VOPP1: variants seen among roughly 807,000 people sequenced by gnomAD.
The protein encoded by VOPP1 is WW domain binding protein VOPP1.
In VOPP1, 8 loss-of-function variants were observed where a neutral mutation model predicts 23.5. The ratio of observed to expected loss-of-function variants is 0.34; its 90% CI spans 0.20 to 0.61. The LOEUF (loss-of-function observed/expected upper bound fraction) is 0.61, where lower values mean the gene tolerates loss of function less well. Among genes scored for constraint, VOPP1 ranks in the 20% least tolerant of loss-of-function variants. The pLI, the probability that VOPP1 is intolerant of heterozygous loss-of-function variation, is 0.78. For missense variants in VOPP1, 174 were observed against 238.1 expected, an observed-to-expected ratio of 0.73 and a Z score of 1.77; for synonymous variants, 83 against 97.3, an observed-to-expected ratio of 0.85 and a Z score of 0.86.
intron 1 of VOPP1, among the ~76,000 whole-genome samples, chr7:55,545,225 G>C (rs895394603): frequency 6.6e-6 from 1 of 152,192 alleles, no homozygotes; most frequent in African/African-American, 2.4e-5. Context: ...GTTAAATACA[G>C]GAAAAGTCAC....
At chr7:55,503,091 C>T (rs540283310) in intron 2 of VOPP1, among the ~76,000 whole-genome samples, 2 of 152,312 alleles carry the variant, frequency 1.3e-5, no homozygotes, top group African/African-American at 2.4e-5. Flanking sequence ...CCCCTGGATA[C>T]AAATGTAGAT....
intron 4 of VOPP1, among the ~76,000 whole-genome samples, chr7:55,473,371 G>A (rs1379491415): frequency 6.6e-6 from 1 of 152,196 alleles, no homozygotes; most frequent in African/African-American, 2.4e-5. Context: ...CCCAGGCTTC[G>A]CGACTCAGCC....
intron 2 of VOPP1, among the ~76,000 whole-genome samples, chr7:55,512,693 A>G (rs1795156539): frequency 6.6e-6 from 1 of 152,198 alleles, no homozygotes; most frequent in South Asian, 2.1e-4. Context: ...TGGAGCACTC[A>G]GCTAGGGAAG....
At chr7:55,451,374 GT>G (rs1235822422) in intron 4 of VOPP1, among the ~76,000 whole-genome samples, 1 of 152,218 alleles carries the variant, frequency 6.6e-6, no homozygotes, top group Non-Finnish European at 1.5e-5. Flanking sequence ...TTGCAATAAA[GT>G]TTGAGTCATA....
chr7:55,463,431 G>A (rs1316654606), intron 4 of VOPP1, among the ~76,000 whole-genome samples: 2 of 152,190 alleles, frequency 1.3e-5, no homozygotes, highest in African/African-American at 2.4e-5. Flanking sequence ...GCTTTCATAG[G>A]AAAAGACTTT....
At chr7:55,508,537 T>A (rs1242246964) in intron 2 of VOPP1, among the ~76,000 whole-genome samples, 1 of 152,184 alleles carries the variant, frequency 6.6e-6, no homozygotes, top group Non-Finnish European at 1.5e-5. Context: ...AGTGTTGGGA[T>A]TACAGGTGTG....
intron 1 of VOPP1, chr7:55,539,645 T>A (rs1797020261): frequency 1.1e-5 from 1 of 87,202 alleles, no homozygotes. Context: ...AACTGGATCA[T>A]CAGCCCCGCT....
intron 1 of VOPP1, among the ~76,000 whole-genome samples, chr7:55,527,286 A>G (rs149563482): frequency 6.6e-6 from 1 of 152,312 alleles, no homozygotes; most frequent in East Asian, 1.9e-4. Context: ...TATCTCCAAG[A>G]AACCTTGATT....
intron 4 of VOPP1, among the ~76,000 whole-genome samples, chr7:55,437,457 C>T (rs1212884613): frequency 6.6e-6 from 1 of 152,252 alleles, no homozygotes; most frequent in African/African-American, 2.4e-5. Context: ...CTGTCCTAAA[C>T]CTTCCATTGC....
chr7:55,442,755 G>A (rs1790998200), intron 4 of VOPP1, among the ~76,000 whole-genome samples: 1 of 152,244 alleles, frequency 6.6e-6, no homozygotes, highest in Middle Eastern at 3.4e-3. Flanking sequence ...ATACCATGAG[G>A]ATGGATGCAA....
chr7:55,500,842 G>C (rs199520270), intron 2 of VOPP1, among the ~76,000 whole-genome samples: 1 of 152,248 alleles, frequency 6.6e-6, no homozygotes, highest in East Asian at 1.9e-4. Context: ...GAAGCGAAGA[G>C]TGGACTTGGC....
In VOPP1 at chr7:55,535,005, T is replaced by C. The variant is rs866355332; in HGVS notation, c.55-13875A>G. ...AGAAGAGGAGAACAGGAAGACACAG[T>C]TGAAGAGTGGTAGAGCCTGCAGCAC... is the stretch of plus-strand genomic sequence containing the variant. On this transcript the variant is annotated intron_variant, in intron 1 of 4. Transcript: ENST00000285279. Among the ~76,000 whole-genome samples the C allele has an allele frequency of 1.3e-4, 20 of 152,292 alleles. No homozygotes were observed. The East Asian group carries it at 2.9e-3, about 22-fold the overall frequency.
At chr7:55,510,439 C>G (rs568586409) in intron 2 of VOPP1, among the ~76,000 whole-genome samples, 12 of 152,116 alleles carry the variant, frequency 7.9e-5, no homozygotes, top group African/African-American at 1.9e-4. Context: ...CCAAATAAAA[C>G]TTATTTAATC....
At chr7:55,556,798 G>A (rs1028671620) in intron 1 of VOPP1, among the ~76,000 whole-genome samples, 3 of 152,006 alleles carry the variant, frequency 2.0e-5, no homozygotes, top group African/African-American at 4.8e-5. Context: ...AAAGCCTCCC[G>A]CCCTCTGAAT....
At chr7:55,558,878 A>T (rs1285464787) in intron 1 of VOPP1, among the ~76,000 whole-genome samples, 1 of 152,232 alleles carries the variant, frequency 6.6e-6, no homozygotes, top group Non-Finnish European at 1.5e-5. Flanking sequence ...CAGCAATAAT[A>T]ACGCAGAGTT....
At chr7:55,564,652 C>A (rs1435576375) in intron 1 of VOPP1, among the ~76,000 whole-genome samples, 1 of 152,108 alleles carries the variant, frequency 6.6e-6, no homozygotes, top group South Asian at 2.1e-4. Flanking sequence ...ACTTTTTAAT[C>A]GACAGGATAA....
intron 1 of VOPP1, chr7:55,521,488 C>G (rs1795851505): frequency 1.0e-6 from 1 of 1,001,634 alleles, no homozygotes; most frequent in African/African-American, 1.7e-5. Flanking sequence ...TGCCACTGCC[C>G]CCCAATTTCT....
intron 1 of VOPP1, among the ~76,000 whole-genome samples, chr7:55,559,368 G>A (rs1193620640): frequency 1.3e-5 from 2 of 152,142 alleles, no homozygotes; most frequent in Non-Finnish European, 2.9e-5. Flanking sequence ...GGTGAGCACT[G>A]CCCATTAGCA....
intron 4 of VOPP1, 36 bp from the exon 5 acceptor site, chr7:55,473,081 G>A (rs752111425): frequency 6.4e-7 from 1 of 1,573,338 alleles, no homozygotes; most frequent in South Asian, 1.2e-5. Flanking sequence ...GCACAGAAGG[G>A]AAAGCCCCAT....
Sources: gnomAD v4.1 joint callset for allele counts (sites outside exome capture counted in the v4.1 genomes callset) on GRCh38, gnomAD v4.1.1 for gene constraint, MANE v1.5 for transcripts, NCBI Gene and HGNC (gene_info 2026-07-23, HGNC 2026-07-21) for gene names.